TMBIM6: variants seen among roughly 807,000 people sequenced by gnomAD.
TMBIM6 encodes bax inhibitor 1.
In TMBIM6, 13 loss-of-function variants were observed where a neutral mutation model predicts 31.4. The observed-to-expected ratio is 0.41, with a 90% CI of 0.27 to 0.66. The LOEUF (loss-of-function observed/expected upper bound fraction) is 0.66. Ranked by LOEUF, TMBIM6 falls within the 30% of genes least tolerant of loss-of-function variation. The pLI, the probability that TMBIM6 is intolerant of heterozygous loss-of-function variation, is 0.28. For synonymous variants in TMBIM6, 85 were observed against 101.7 expected (o/e 0.84, Z 0.99); for missense variants, 275 against 289.5 (o/e 0.95, Z 0.36).
At chr12:49,743,179 A>T (rs1945329523) in intron 1 of TMBIM6, among the ~76,000 whole-genome samples, 1 of 151,436 alleles carries the variant, frequency 6.6e-6, no homozygotes, top group South Asian at 2.1e-4. Flanking sequence ...ATGGGGTATC[A>T]CCATGTTGCC....
At chr12:49,742,159 G>A in intron 1 of TMBIM6, 2 of 1,612,770 alleles carry the variant, frequency 1.2e-6, no homozygotes, top group Non-Finnish European at 1.7e-6. Flanking sequence ...TCTGTGACAC[G>A]CGAGGCTCCT....
In TMBIM6 at chr12:49,763,273, CCCTT is replaced by C. The variant is rs1945754590; in HGVS notation, c.*385_*388del. The stretch of plus-strand genomic sequence containing the variant: ...TGAACTGTTTGGTAGAGCCACCCGG[CCCTT>C]CCTTCCTCATTGTTGTTTGGTATGC... On this transcript the variant is annotated 3_prime_UTR_variant, in exon 10 of 10. Coordinates refer to ENST00000267115, the MANE Select transcript of TMBIM6 (RefSeq NM_003217.3). The C allele has an allele frequency of 5.5e-6, 1 of 181,206 alleles. No homozygotes were observed. Among genetic ancestry groups the C allele is most frequent in the Non-Finnish European group, 1.2e-5 (1 of 84,970 alleles). The allele number at this position is 181,206 out of a possible 1,614,324, so 11.2% of individuals were successfully genotyped here.
chr12:49,744,746 T>C (rs2136926099), intron 1 of TMBIM6, among the ~76,000 whole-genome samples: 1 of 152,262 alleles, frequency 6.6e-6, no homozygotes, highest in African/African-American at 2.4e-5. Context: ...AAAAAGGAGC[T>C]TCACCAGTGA....
rs1259252558 is a variant in TMBIM6, at chr12:49,763,141, C to CT, written c.*247dup. On this transcript the variant is annotated 3_prime_UTR_variant, in exon 10 of 10. Coordinates refer to ENST00000267115, the MANE Select transcript of TMBIM6 (RefSeq NM_003217.3). ...TTTTTGTCAACCCCATCTGTAGCCTCTTCCTCTACTCAGGCAGTCGACCCG... is the reference window on the plus strand; with the variant it reads ...TTTTTGTCAACCCCATCTGTAGCCTCTTTCCTCTACTCAGGCAGTCGACCCG... 2.5e-5 allele frequency: 10 copies of CT among 394,088 alleles called. No homozygotes were observed. The highest frequency in any genetic ancestry group is 2.0e-4 in the African/African-American group (10 of 50,002). The allele number at this position is 394,088 out of a possible 1,614,324, so 24.4% of individuals were successfully genotyped here. A position where few individuals can be genotyped will look rare whatever the true frequency, so the allele number is the denominator to read the frequency against.
chr12:49,744,414 G>A (rs557914249), intron 1 of TMBIM6: 16 of 152,226 alleles, frequency 1.1e-4, no homozygotes, highest in Admixed American at 3.9e-4. Flanking sequence ...TTCCCCCAGA[G>A]TTTCTAACCA....
At chr12:49,757,473 T>C (rs11830696) in intron 4 of TMBIM6, among the ~76,000 whole-genome samples, 18,058 of 152,248 alleles carry the variant, frequency 0.12, 1,644 homozygotes, top group African/African-American at 0.26. Flanking sequence ...CAGGACACTT[T>C]GCTGATTCTC....
intron 3 of TMBIM6, among the ~76,000 whole-genome samples, 159 bp downstream of exon 3, chr12:49,753,240 T>A (rs1327946087): frequency 1.3e-5 from 2 of 152,208 alleles, no homozygotes; most frequent in East Asian, 3.8e-4. Context: ...AAAGCCATTT[T>A]AATTTTCTGG....
intron 1 of TMBIM6, chr12:49,743,548 C>T (rs1446765907): frequency 1.3e-5 from 2 of 152,006 alleles, no homozygotes; most frequent in African/African-American, 2.4e-5. Flanking sequence ...AGTCATCTCT[C>T]CTGAAGAATA....
Position 49,752,978 on chromosome 12 carries a change from C to A in TMBIM6, c.62C>A (p.Pro21Gln). 1.9e-6 allele frequency: 3 copies of A among 1,613,520 alleles called. No individual in the cohort carries two copies. The highest frequency in any genetic ancestry group is 2.5e-6 in the Non-Finnish European group (3 of 1,179,766). Residue 21 changes from proline (P) to glutamine (Q), a missense_variant, in exon 3 of 10, where the codon CCG becomes CAG. Pro to Gln is a moderately conservative substitution (Grantham distance 76, BLOSUM62 -1). Transcript: ENST00000267115. ...DALLKFSHIT[P>Q]STQQHLKKVY... ...TATTCACATTCTTTTCTTAGAACCC[C>A]GTCAACGCAGCAGCACCTGAAGAAG...
In TMBIM6 at chr12:49,763,202, C is replaced by CT. The variant is rs1454861472; in HGVS notation, c.*308dup. On this transcript the variant is annotated 3_prime_UTR_variant, in exon 10 of 10. Transcript: ENST00000267115. ...AAGTGGGACCAGCAGAGGGCGCCAA[C>CT]TTCAGGAGTCCGCTTTCCCACCAGG... 2 of 284,900 alleles carry CT rather than the reference C, an allele frequency of 7.0e-6. No homozygotes were observed. Among genetic ancestry groups the CT allele is most frequent in the African/African-American group, 4.3e-5 (2 of 47,030 alleles). The allele number at this position is 284,900 out of a possible 1,614,324, so 17.6% of individuals were successfully genotyped here. A position where few individuals can be genotyped will look rare whatever the true frequency, so the allele number is the denominator to read the frequency against.
At position 49,758,210 on chromosome 12, in the gene TMBIM6, G is replaced by A; in HGVS notation, c.287-17G>A. The A allele has an allele frequency of 1.2e-6, 2 of 1,614,102 alleles. No individual in the cohort carries two copies. Among genetic ancestry groups the A allele is most frequent in the Non-Finnish European group, 1.7e-6 (2 of 1,179,986 alleles). ...GAATTGATCGTAATACTGTGTTCTG[G>A]GTTTTCTGTTTTCTAGGAGTTGGCC... On this transcript the variant is annotated splice_polypyrimidine_tract_variant and intron_variant, in intron 4 of 9. Coordinates refer to ENST00000267115, the MANE Select transcript of TMBIM6 (RefSeq NM_003217.3).
In TMBIM6 at chr12:49,741,948, T is replaced by G. The variant is rs996835568; in HGVS notation, c.-31+337T>G. The stretch of plus-strand genomic sequence containing the variant: ...CTTTCTCCCGCTCCTTCTCCTCTAC[T>G]AAGTGTAGACGCAGGGCCCCTTGGC... On this transcript the variant is annotated intron_variant, in intron 1 of 9. Coordinates refer to ENST00000267115, the MANE Select transcript of TMBIM6 (RefSeq NM_003217.3). 6.3e-5 allele frequency: 52 copies of G among 829,816 alleles called. No homozygotes were observed. The East Asian group carries it at 1.4e-3, about 22-fold the overall frequency. 51.4% of individuals were successfully genotyped at this position (829,816 alleles called of 1,614,324 possible).
chr12:49,743,157 T>C (rs550140568), intron 1 of TMBIM6, among the ~76,000 whole-genome samples: 17 of 152,060 alleles, frequency 1.1e-4, no homozygotes, highest in African/African-American at 4.1e-4. Context: ...AATTTTTGTA[T>C]TTTTTGTGGA....
intron 1 of TMBIM6, among the ~76,000 whole-genome samples, chr12:49,745,110 C>A (rs1945366262): frequency 6.6e-6 from 1 of 152,116 alleles, no homozygotes; most frequent in Non-Finnish European, 1.5e-5. Context: ...CTGGGAAGAT[C>A]AAAGCTTGGT....
chr12:49,743,338 A>T (rs2136923106), intron 1 of TMBIM6: 1 of 151,536 alleles, frequency 6.6e-6, no homozygotes, highest in South Asian at 2.1e-4. Flanking sequence ...TGGTGCATTC[A>T]ATTCTCATGC....
intron 1 of TMBIM6, among the ~76,000 whole-genome samples, chr12:49,745,200 A>G (rs1264668301): frequency 6.6e-6 from 1 of 151,820 alleles, no homozygotes; most frequent in African/African-American, 2.4e-5. Flanking sequence ...GAAAGCATCA[A>G]GCTTTTGCGC....
Position 49,763,944 on chromosome 12 carries a change from A to T in TMBIM6, c.*1048A>T, listed in dbSNP as rs1480238516. The T allele has an allele frequency of 6.6e-6, 1 of 152,242 alleles. No homozygotes were observed. The highest frequency in any genetic ancestry group is 2.4e-5 in the African/African-American group (1 of 41,448). The allele number at this position is 152,242 out of a possible 1,614,324, so 9.4% of individuals were successfully genotyped here. A position where few individuals can be genotyped will look rare whatever the true frequency, so the allele number is the denominator to read the frequency against. The stretch of plus-strand genomic sequence containing the variant: ...TGATAACTTAGGAGGCAGCAATCCT[A>T]ATAGTCCTTCAGTGCATTTTAGTCT... On this transcript the variant is annotated 3_prime_UTR_variant, in exon 10 of 10. Coordinates refer to ENST00000267115, the MANE Select transcript of TMBIM6 (RefSeq NM_003217.3).
chr12:49,762,956 T>G lies in TMBIM6; in HGVS notation c.*60T>G. The stretch of plus-strand genomic sequence containing the variant: ...CTCCTTCCACCCCTCATTTCCTTTT[T>G]GCACACATTACAGGTGGTGTGTTCT... On this transcript the variant is annotated 3_prime_UTR_variant, in exon 10 of 10. Coordinates refer to ENST00000267115, the MANE Select transcript of TMBIM6 (RefSeq NM_003217.3). The G allele has an allele frequency of 6.4e-7, 1 of 1,564,914 alleles. No homozygotes were observed. The highest frequency in any genetic ancestry group is 8.8e-7 in the Non-Finnish European group (1 of 1,136,458).
chr12:49,745,334 C>T (rs1328780194), intron 1 of TMBIM6, among the ~76,000 whole-genome samples: 1 of 152,114 alleles, frequency 6.6e-6, no homozygotes, highest in East Asian at 1.9e-4. Flanking sequence ...AAAGGTATGC[C>T]ATTTAAACAA....
Sources: gnomAD v4.1 joint callset for allele counts (sites outside exome capture counted in the v4.1 genomes callset) on GRCh38, gnomAD v4.1.1 for gene constraint, MANE v1.5 for transcripts, NCBI Gene and HGNC (gene_info 2026-07-23, HGNC 2026-07-21) for gene names.